SOX6: variants seen among roughly 807,000 people sequenced by gnomAD.
The protein encoded by SOX6 is SRY-box transcription factor 6.
In SOX6, 11 loss-of-function variants were observed where a neutral mutation model predicts 97.8. The ratio of observed to expected loss-of-function variants is 0.11; its 90% CI spans 0.07 to 0.19. The LOEUF (loss-of-function observed/expected upper bound fraction) is 0.19. Ranked by LOEUF, SOX6 falls within the 10% of genes least tolerant of loss-of-function variation. The pLI, the probability that SOX6 is intolerant of heterozygous loss-of-function variation, is 1.00. For missense variants in SOX6, 810 were observed against 1,039.5 expected (o/e 0.78, Z 3.04); for synonymous variants, 360 against 371.4 (o/e 0.97, Z 0.35).
At chr11:16,056,951 T>TAAAAAAC (rs1473419037) in intron 9 of SOX6, among the ~76,000 whole-genome samples, 1 of 152,096 alleles carries the variant, frequency 6.6e-6, no homozygotes, top group Non-Finnish European at 1.5e-5. Context: ...TTGAAGGTTT[T>TAAAAAAC]AAAAAACAAA....
intron 6 of SOX6, among the ~76,000 whole-genome samples, chr11:16,133,915 G>A (rs1849887539): frequency 6.6e-6 from 1 of 152,118 alleles, no homozygotes; most frequent in African/African-American, 2.4e-5. Context: ...CCGAACTCCT[G>A]ACCTCATGAT....
At chr11:16,054,292 CGAGTAAGCAAAGTGTCTTT>C (rs549467492) in intron 10 of SOX6, among the ~76,000 whole-genome samples, 289 of 152,196 alleles carry the variant, frequency 1.9e-3, no homozygotes, top group African/African-American at 6.7e-3. Context: ...TTAACAACTA[CGAGTAAGCAAAGTGTCTTT>C]GAGTTGGAGT....
At chr11:16,139,412 T>C (rs1850068394) in intron 6 of SOX6, among the ~76,000 whole-genome samples, 1 of 152,180 alleles carries the variant, frequency 6.6e-6, no homozygotes, top group Non-Finnish European at 1.5e-5. Flanking sequence ...CTTTCTCTTC[T>C]CTTTTATTTT....
intron 9 of SOX6, among the ~76,000 whole-genome samples, chr11:16,058,522 AAGGT>A: frequency 6.6e-6 from 1 of 152,238 alleles, no homozygotes; most frequent in East Asian, 1.9e-4. Context: ...GCTTCAGCAT[AAGGT>A]AATGATGCAG....
intron 1 of SOX6, among the ~76,000 whole-genome samples, chr11:16,434,966 G>A (rs1316746371): frequency 6.6e-6 from 1 of 152,148 alleles, no homozygotes; most frequent in South Asian, 2.1e-4. Flanking sequence ...TTAACCAGCT[G>A]ACATAAGTAT....
rs377427808 is a variant in SOX6 at position 16,271,730 on chromosome 11, C to T, written c.446-37059G>A. 1.7e-4 allele frequency among the ~76,000 whole-genome samples: 25 copies of T among 150,996 alleles called. No individual in the cohort carries two copies. The East Asian group carries it at 2.9e-3, about 18-fold the overall frequency. On this transcript the variant is annotated intron_variant, in intron 3 of 15. Coordinates refer to ENST00000683767, the MANE Select transcript of SOX6 (RefSeq NM_001367873.1). ...TTTACTTTTGTCACTCAATATTTTG[C>T]GTGTTTATGTTTTTGTTTTCAAGTT...
At chr11:16,522,682 T>G (rs1861087767) in intron 4 of SOX6, among the ~76,000 whole-genome samples, 1 of 152,128 alleles carries the variant, frequency 6.6e-6, no homozygotes, top group Admixed American at 6.5e-5. Context: ...AGACACAGAC[T>G]GGCAAGTTGG....
intron 4 of SOX6, among the ~76,000 whole-genome samples, chr11:16,538,268 C>T (rs1485839588): frequency 6.6e-6 from 1 of 152,152 alleles, no homozygotes; most frequent in South Asian, 2.1e-4. Context: ...TACAGACAAG[C>T]AAATGCTGAG....
At chr11:16,539,530 G>A (rs549103099) in intron 4 of SOX6, among the ~76,000 whole-genome samples, 2 of 152,018 alleles carry the variant, frequency 1.3e-5, no homozygotes, top group Non-Finnish European at 2.9e-5. Context: ...ATGAATCCAG[G>A]AGCTGGTTTT....
rs11023961 is a variant in SOX6 at position 16,485,677 on chromosome 11, G to A, written n.610-9289C>T. Among the ~76,000 whole-genome samples the A allele has an allele frequency of 1.3e-3, 189 of 150,000 alleles. 1 individual carries two copies. The East Asian group carries it at 0.035, about 28-fold the overall frequency. On this transcript the variant is annotated intron_variant and non_coding_transcript_variant, in intron 4 of 5. Coordinates refer to the SOX6 transcript ENST00000524520. ...ACCCTGGAGGCAGAGGTTGCAGTGA[G>A]CCGAGATCTTGCCACTGCACTCCAG...
chr11:16,215,481 C>A (rs1010933655), intron 4 of SOX6, among the ~76,000 whole-genome samples: 8 of 152,112 alleles, frequency 5.3e-5, no homozygotes, highest in Admixed American at 1.3e-4. Flanking sequence ...ATGTAAGAAT[C>A]CCAGAAGTCT....
chr11:16,230,810 G>T (rs1038829623), intron 4 of SOX6, among the ~76,000 whole-genome samples: 1 of 151,634 alleles, frequency 6.6e-6, no homozygotes. Flanking sequence ...TAAAGTTACA[G>T]TGATTAATAT....
At chr11:16,519,586 C>T (rs1325230246) in intron 4 of SOX6, among the ~76,000 whole-genome samples, 2 of 151,878 alleles carry the variant, frequency 1.3e-5, no homozygotes, top group Admixed American at 1.3e-4. Context: ...ACCACATTTT[C>T]TTTATCCAAT....
chr11:16,515,291 T>C (rs1446165567), intron 4 of SOX6, among the ~76,000 whole-genome samples: 1 of 152,162 alleles, frequency 6.6e-6, no homozygotes, highest in South Asian at 2.1e-4. Context: ...ATTTCTCTGA[T>C]GGCCAGTGAT....
At position 16,386,179 on chromosome 11, in the gene SOX6, T is replaced by C. The variant is rs145693191; in HGVS notation, c.-4-44927A>G. ...TTTGTTGTCGTTCTTATACATGTGG[T>C]TTTGCATTTAGCTTGGAAAGTGGGA... On this transcript the variant is annotated intron_variant, in intron 1 of 15. Coordinates refer to the SOX6 transcript ENST00000396356. Among the ~76,000 whole-genome samples the C allele has an allele frequency of 6.6e-4, 101 of 152,278 alleles. 1 individual carries two copies. Among genetic ancestry groups the C allele is most frequent in the African/African-American group, 2.3e-3 (95 of 41,566 alleles).
At chr11:16,606,580 C>T (rs1042106444) in intron 4 of SOX6, among the ~76,000 whole-genome samples, 25 of 152,214 alleles carry the variant, frequency 1.6e-4, no homozygotes, top group Non-Finnish European at 3.4e-4. Context: ...TTCTCTAAGC[C>T]ACCTGACTTC....
At position 16,291,229 on chromosome 11, in the gene SOX6, TTATATATATATATATATATATA is replaced by T. The variant is rs10529279; in HGVS notation, c.445+27195_445+27216del. Among the ~76,000 whole-genome samples the T allele has an allele frequency of 3.7e-3, 525 of 143,596 alleles. 5 individuals are homozygous for T. The highest frequency in any genetic ancestry group is 0.011 in the South Asian group (52 of 4,580). 94.2% of individuals were successfully genotyped at this position (143,596 alleles called of 152,430 possible). On this transcript the variant is annotated intron_variant, in intron 3 of 15. Coordinates refer to ENST00000683767, the MANE Select transcript of SOX6 (RefSeq NM_001367873.1). The stretch of plus-strand genomic sequence containing the variant: ...AACTTCCTCTCATTTTTCTATAAAT[TTATATATATATATATATATATA>T]TATATATATATATATATATATATAT...
At chr11:16,367,169 T>C (rs1056843478) in intron 1 of SOX6, among the ~76,000 whole-genome samples, 1 of 152,176 alleles carries the variant, frequency 6.6e-6, no homozygotes, top group Non-Finnish European at 1.5e-5. Context: ...TTTGCTTCTA[T>C]GTATGTTCTA....
At chr11:16,238,592 T>C (rs1040625825) in intron 3 of SOX6, among the ~76,000 whole-genome samples, 3 of 152,056 alleles carry the variant, frequency 2.0e-5, no homozygotes, top group Non-Finnish European at 4.4e-5. Context: ...TGCAGCAGTA[T>C]TAACTCCCAC....
Sources: gnomAD v4.1 joint callset for allele counts (sites outside exome capture counted in the v4.1 genomes callset) on GRCh38, gnomAD v4.1.1 for gene constraint, MANE v1.5 for transcripts, NCBI Gene and HGNC (gene_info 2026-07-23, HGNC 2026-07-21) for gene names.